Variants in COL16A1 observed in about 807,000 individuals in gnomAD.
COL16A1 encodes the protein collagen type XVI alpha 1 chain, also known as collagen alpha-1(XVI) chain.
COL16A1 carries 189 observed loss-of-function variants against 266.3 expected under a neutral mutation model. The observed-to-expected ratio is 0.71, with a 90% confidence interval of 0.63 to 0.80. The LOEUF (loss-of-function observed/expected upper bound fraction) is 0.80, where lower values mean the gene tolerates loss of function less well. Ranked by LOEUF, COL16A1 falls within the 30% of genes least tolerant of loss-of-function variation. COL16A1 has a pLI of 0.00. For missense variants in COL16A1, 1,928 were observed against 2,122.4 expected (o/e 0.91, Z 1.80); for synonymous variants, 740 against 782.3 (o/e 0.95, Z 0.90).
At chr1:31,684,273 C>A (rs1019194031) in intron 31 of COL16A1, 42 bp from the exon 32 acceptor site, 4 of 1,453,564 alleles carry the variant, frequency 2.8e-6, no homozygotes, top group Middle Eastern at 2.3e-4. Context: ...TGAGCCGGGG[C>A]TGGCACCCAG....
At chr1:31,653,465 G>C in intron 70 of COL16A1, 134 bp downstream of exon 70, 1 of 1,074,966 alleles carries the variant, frequency 9.3e-7, no homozygotes, top group Non-Finnish European at 1.3e-6. Context: ...CTTGCACACA[G>C]TGGCATTCCT....
In COL16A1 at chr1:31,656,488, C is replaced by A; in HGVS notation, c.4057-44G>T. 6.2e-7 allele frequency: 1 copy of A among 1,603,658 alleles called. No individual in the cohort carries two copies. Reference sequence around the variant, plus strand: ...CAGAGGTGAAGTCCGGGCAGCATCTCTGAGGCTCCCTGGGGAGGCAGGTGC... The same window carrying A: ...CAGAGGTGAAGTCCGGGCAGCATCTATGAGGCTCCCTGGGGAGGCAGGTGC... On this transcript the variant is annotated intron_variant, in intron 65 of 70. Transcript: ENST00000373672. This position sits in a 1 kb window ranked among gnomAD's most constrained non-coding sequence, Gnocchi z 4.2.
intron 8 of COL16A1, among the ~76,000 whole-genome samples, chr1:31,696,404 G>T (rs142385293): frequency 2.7e-5 from 4 of 146,886 alleles, no homozygotes; most frequent in African/African-American, 1.0e-4. Flanking sequence ...GCCCAAGGCT[G>T]GGCAAGATGC....
rs200869683 is a variant in COL16A1, at chr1:31,685,557, G to C, written c.2016+82C>G. The stretch of plus-strand genomic sequence containing the variant: ...TACCCCCAACTGCCCAGGGAGTCAA[G>C]AGACCCAGGCAGGACCCCTCCCCTC... On this transcript the variant is annotated intron_variant, in intron 29 of 70. Coordinates refer to ENST00000373672, the MANE Select transcript of COL16A1 (RefSeq NM_001856.4). The surrounding 1 kb of genome is among the most constrained non-coding windows in gnomAD (Gnocchi z 4.0). The C allele has an allele frequency of 3.3e-3, 4,397 of 1,352,874 alleles. 12 individuals carry two copies. The highest frequency in any genetic ancestry group is 3.9e-3 in the Non-Finnish European group (3,852 of 993,788). 83.8% of individuals were successfully genotyped at this position (1,352,874 alleles called of 1,614,324 possible).
Position 31,697,818 on chromosome 1 carries a change from G to T in COL16A1, c.657+88C>A. 6.9e-7 allele frequency: 1 copy of T among 1,441,434 alleles called. No individual in the cohort carries two copies. Among genetic ancestry groups the T allele is most frequent in the Non-Finnish European group, 9.3e-7 (1 of 1,071,996 alleles). The allele number at this position is 1,441,434 out of a possible 1,614,324, so 89.3% of individuals were successfully genotyped here. On this transcript the variant is annotated intron_variant, in intron 6 of 70. Coordinates refer to ENST00000373672, the MANE Select transcript of COL16A1 (RefSeq NM_001856.4). This position sits in a 1 kb window ranked among gnomAD's most constrained non-coding sequence, Gnocchi z 4.2. ...AAGCAGGGGAAGATTCTAAGCAGGA[G>T]AAGGACTTGTTCCGATACGGATTCC...
At chr1:31,665,982 C>G (rs765000347) in intron 53 of COL16A1, 47 bp from the exon 54 acceptor site, 1 of 1,614,100 alleles carries the variant, frequency 6.2e-7, no homozygotes, top group East Asian at 2.2e-5. Context: ...TCTTCCTGCC[C>G]TCAGACCCCA....
intron 42 of COL16A1, among the ~76,000 whole-genome samples, chr1:31,675,646 T>C (rs1643120938): frequency 6.6e-6 from 1 of 152,154 alleles, no homozygotes; most frequent in African/African-American, 2.4e-5. Context: ...TCTCTTTCTT[T>C]TTCCTTTCCT....
chr1:31,684,443 C>T, intron 31 of COL16A1, 80 bp downstream of exon 31: 1 of 1,556,188 alleles, frequency 6.4e-7, no homozygotes, highest in Non-Finnish European at 8.7e-7. Context: ...GCTGGCCCTG[C>T]AGTCCTTCCC....
At position 31,652,576 on chromosome 1, in the gene COL16A1, A is replaced by G. The variant is rs938428642; in HGVS notation, c.*75T>C. 25 of 1,369,664 alleles carry G rather than the reference A, an allele frequency of 1.8e-5. No individual in the cohort carries two copies. Among genetic ancestry groups the G allele is most frequent in the African/African-American group, 3.0e-5 (2 of 67,490 alleles). The allele number at this position is 1,369,664 out of a possible 1,614,324, so 84.8% of individuals were successfully genotyped here. A position where few individuals can be genotyped will look rare whatever the true frequency, so the allele number is the denominator to read the frequency against. ...AACAACAACAAAAAAAACATTCACA[A>G]CCTGTCACAGAGTCCTATAAGCTTT... On this transcript the variant is annotated 3_prime_UTR_variant, in exon 71 of 71. Transcript: ENST00000373672. This position sits in a 1 kb window ranked among gnomAD's most constrained non-coding sequence, Gnocchi z 4.8.
Position 31,698,845 on chromosome 1 carries a change from G to A in COL16A1, c.267-239C>T, listed in dbSNP as rs1644609463. On this transcript the variant is annotated intron_variant, in intron 4 of 70. Coordinates refer to ENST00000373672, the MANE Select transcript of COL16A1 (RefSeq NM_001856.4). The surrounding 1 kb of genome is among the most constrained non-coding windows in gnomAD (Gnocchi z 4.1). Reference sequence around the variant, plus strand: ...GCGGTGGCTCATGCCTGTAATCCCAGCACTTTGGGAGGCCGAGGTGGGCGG... The same window carrying A: ...GCGGTGGCTCATGCCTGTAATCCCAACACTTTGGGAGGCCGAGGTGGGCGG... 6.6e-6 allele frequency among the ~76,000 whole-genome samples: 1 copy of A among 152,206 alleles called. No homozygotes were observed. Among genetic ancestry groups the A allele is most frequent in the Non-Finnish European group, 1.5e-5 (1 of 68,026 alleles).
At chr1:31,680,145 G>C (rs777949654) in intron 39 of COL16A1, 44 bp from the exon 40 acceptor site, 3 of 1,598,730 alleles carry the variant, frequency 1.9e-6, no homozygotes, top group Non-Finnish European at 2.6e-6. Flanking sequence ...GAAGACGAAG[G>C]GCTCTCTTGA....
chr1:31,660,876 G>A (rs1641595642), intron 61 of COL16A1, among the ~76,000 whole-genome samples, 190 bp downstream of exon 61: 1 of 152,230 alleles, frequency 6.6e-6, no homozygotes, highest in African/African-American at 2.4e-5. Context: ...CCTCCAGGGA[G>A]CAGAACCAGT....
chr1:31,654,087 C>G, intron 68 of COL16A1, 44 bp from the exon 69 acceptor site: 1 of 1,576,076 alleles, frequency 6.3e-7, no homozygotes, highest in Non-Finnish European at 8.6e-7. Flanking sequence ...GAGGGTCCCC[C>G]AGGGACTCAG....
In COL16A1 at chr1:31,677,424, C is replaced by T. The variant is rs148611723; in HGVS notation, c.2773-2113G>A. On this transcript the variant is annotated intron_variant, in intron 42 of 70. Transcript: ENST00000373672. ...AATTATTATGCCTTAAATCATTATTCATCCCTTGCTCCCCTCTCCAGGGCC... is the reference window on the plus strand; with the variant it reads ...AATTATTATGCCTTAAATCATTATTTATCCCTTGCTCCCCTCTCCAGGGCC... 2.8e-3 allele frequency among the ~76,000 whole-genome samples: 430 copies of T among 152,344 alleles called. 1 individual carries two copies. The highest frequency in any genetic ancestry group is 0.014 in the Middle Eastern group (4 of 294).
At position 31,653,934 on chromosome 1, in the gene COL16A1, A is replaced by T; in HGVS notation, c.4467T>A (p.Ala1489=). 6.2e-7 allele frequency: 1 copy of T among 1,614,146 alleles called. No homozygotes were observed. The highest frequency in any genetic ancestry group is 8.5e-7 in the Non-Finnish European group (1 of 1,180,028). ...GKDGAPGRPG[A]PGSPGLPGQI... ...GACCAGGGAGCCCAGGTGACCCTGG[A>T]GCACCTGGCCTGCCCGGAGCACCAT... The change falls in exon 69 of 71, where the codon GCT becomes GCA. Residue 1489 remains alanine (A), a synonymous_variant. Coordinates refer to ENST00000373672, the MANE Select transcript of COL16A1 (RefSeq NM_001856.4).
At position 31,703,946 on chromosome 1, in the gene COL16A1, C is replaced by G. The variant is rs1050539583; in HGVS notation, c.-144G>C. On this transcript the variant is annotated 5_prime_UTR_variant, in exon 1 of 71. Transcript: ENST00000373672. The stretch of plus-strand genomic sequence containing the variant: ...GGGTTCTCTATCTCTCCGTGACGGT[C>G]ACGGGTCCCCAGCTTCCTGGCGCTC... 1.3e-5 allele frequency: 2 copies of G among 152,358 alleles called. No homozygotes were observed. The highest frequency in any genetic ancestry group is 4.8e-5 in the African/African-American group (2 of 41,458). The allele number at this position is 152,358 out of a possible 1,614,324, so 9.4% of individuals were successfully genotyped here. A position where few individuals can be genotyped will look rare whatever the true frequency, so the allele number is the denominator to read the frequency against.
chr1:31,672,689 T>G (rs1257563528), intron 45 of COL16A1, 35 bp downstream of exon 45: 4 of 1,610,882 alleles, frequency 2.5e-6, no homozygotes, highest in Non-Finnish European at 3.4e-6. Context: ...CAGGGAACCC[T>G]CCTGCATAGG....
At chr1:31,676,866 G>A (rs1179486290) in intron 42 of COL16A1, among the ~76,000 whole-genome samples, 1 of 152,170 alleles carries the variant, frequency 6.6e-6, no homozygotes, top group Non-Finnish European at 1.5e-5. Flanking sequence ...GGATTTCCTT[G>A]GCGCACTCTG....
intron 26 of COL16A1, among the ~76,000 whole-genome samples, chr1:31,687,867 C>T (rs754141713): frequency 2.0e-5 from 3 of 152,172 alleles, no homozygotes; most frequent in Non-Finnish European, 4.4e-5. Context: ...ATTTGGGTAA[C>T]ATTTGGGTAA....
Sources: allele counts gnomAD v4.1 joint callset (sites outside exome capture counted in the v4.1 genomes callset), GRCh38; gene constraint gnomAD v4.1.1; non-coding constraint Gnocchi (gnomAD v3.1); transcripts MANE v1.5; gene names NCBI Gene and HGNC (gene_info 2026-07-23, HGNC 2026-07-21).